MMADHC: variants seen among roughly 807,000 people sequenced by gnomAD.
MMADHC encodes the protein metabolism of cobalamin associated D, also known as cobalamin trafficking protein CblD.
A neutral mutation model predicts 36.3 loss-of-function variants in MMADHC; 23 were observed. That is an observed-to-expected ratio of 0.63 (90% CI 0.46 to 0.90). The LOEUF (loss-of-function observed/expected upper bound fraction) is 0.90, where lower values mean the gene tolerates loss of function less well. Among genes scored for constraint, MMADHC ranks in the 40% least tolerant of loss-of-function variants. The pLI is 0.00. For missense variants in MMADHC, 330 were observed against 348.0 expected (o/e 0.95, Z 0.41); for synonymous variants, 97 against 116.1 (o/e 0.84, Z 1.06).
Position 149,569,828 on chromosome 2 carries a change from C to T in MMADHC, c.*146G>A. 1.3e-6 allele frequency: 1 copy of T among 746,878 alleles called. No homozygotes were observed. Among genetic ancestry groups the T allele is most frequent in the Non-Finnish European group, 2.2e-6 (1 of 461,022 alleles). 46.3% of individuals were successfully genotyped at this position (746,878 alleles called of 1,614,324 possible). ...ATGAACATTTGCAATTTTAAAATCC[C>T]AAATCACTTGCCAATGTTGTAAATT... On this transcript the variant is annotated 3_prime_UTR_variant, in exon 8 of 8. Transcript: ENST00000303319.
rs138607412 is a variant in MMADHC at position 149,571,164 on chromosome 2, T to A, written c.617A>T (p.Asn206Ile). 2.5e-6 allele frequency: 4 copies of A among 1,604,806 alleles called. No homozygotes were observed. The African/African-American group carries it at 5.3e-5, about 21-fold the overall frequency. The change falls in exon 7 of 8, where the codon AAT becomes ATT. Residue 206 changes from asparagine (N) to isoleucine (I), a missense_variant. Asn to Ile is a moderately radical substitution (Grantham distance 149, BLOSUM62 -3). Coordinates refer to ENST00000303319, the MANE Select transcript of MMADHC (RefSeq NM_015702.3). ...AGCATAGCAAATTTCCTTAGCACCATTGATGAACTGCAATGGAAGTCACAA... is the reference window on the plus strand; with the variant it reads ...AGCATAGCAAATTTCCTTAGCACCAATGATGAACTGCAATGGAAGTCACAA... ...EREVLLEKFI[N>I]GAKEICYALR...
intron 2 of MMADHC, among the ~76,000 whole-genome samples, chr2:149,584,909 G>T (rs999118307): frequency 4.6e-5 from 7 of 151,972 alleles, no homozygotes; most frequent in African/African-American, 1.7e-4. Flanking sequence ...CGGGCATCGT[G>T]GCAAGTGCCT....
intron 3 of MMADHC, 83 bp downstream of exon 3, chr2:149,582,044 C>T (rs369457264): frequency 2.0e-6 from 3 of 1,476,280 alleles, no homozygotes; most frequent in Non-Finnish European, 1.9e-6. Context: ...ATCCATTAAG[C>T]CTTAAGAAGA....
In MMADHC at chr2:149,570,053, C is replaced by A. The variant is rs528082092; in HGVS notation, c.812G>T (p.Gly271Val). 6.2e-7 allele frequency: 1 copy of A among 1,613,650 alleles called. No homozygotes were observed. Among genetic ancestry groups the A allele is most frequent in the Non-Finnish European group, 8.5e-7 (1 of 1,179,682 alleles). Residue 271 changes from glycine to valine, a missense_variant, in exon 8 of 8, where the codon GGT becomes GTT. Physicochemically the swap from Gly to Val is moderately radical, Grantham distance 109 (BLOSUM62 -3). Coordinates refer to ENST00000303319, the MANE Select transcript of MMADHC (RefSeq NM_015702.3). The part of the protein sequence containing the change: ...CCKVIRHSLW[G>V]THVVVGSIFT... ...GATACTCCCTACAACTACATGGGTA[C>A]CCCAGAGACTATGACGAATCACTTT...
At chr2:149,573,579 G>A (rs986399130) in intron 6 of MMADHC, among the ~76,000 whole-genome samples, 5 of 152,014 alleles carry the variant, frequency 3.3e-5, no homozygotes, top group Admixed American at 6.5e-5. Flanking sequence ...TATAGAAAAA[G>A]TTATTTGATC....
At chr2:149,572,308 C>T (rs780292676) in intron 6 of MMADHC, 13 of 268,822 alleles carry the variant, frequency 4.8e-5, no homozygotes, top group South Asian at 2.8e-4. Flanking sequence ...CACAGCACTC[C>T]GGCCTGGGCG....
In MMADHC at chr2:149,582,186, G is replaced by A. The variant is rs1434979492; in HGVS notation, c.95C>T (p.Ser32Leu). The change falls in exon 3 of 8, where the codon TCG becomes TTG. Residue 32 changes from serine (S) to leucine (L), a missense_variant. Physicochemically the swap from Ser to Leu is moderately radical, Grantham distance 145. Coordinates refer to ENST00000303319, the MANE Select transcript of MMADHC (RefSeq NM_015702.3). Reference sequence around the variant, plus strand: ...ATCCGAACCTGATGATCCTGCAGTCGAAAAGGCTTTGGGATTGACAACCCT... The same window carrying A: ...ATCCGAACCTGATGATCCTGCAGTCAAAAAGGCTTTGGGATTGACAACCCT... Reference protein sequence around the residue: ...VKRVVNPKAFSTAGSSGSDES... With the variant: ...VKRVVNPKAFLTAGSSGSDES... The A allele has an allele frequency of 4.3e-6, 7 of 1,613,964 alleles. No individual in the cohort carries two copies. Among genetic ancestry groups the A allele is most frequent in the South Asian group, 1.1e-5 (1 of 91,074 alleles).
intron 2 of MMADHC, among the ~76,000 whole-genome samples, chr2:149,585,812 C>T (rs1458398015): frequency 2.6e-5 from 4 of 152,162 alleles, no homozygotes; most frequent in Non-Finnish European, 5.9e-5. Context: ...AAATTGTTAT[C>T]GTACATTTGG....
At position 149,575,834 on chromosome 2, in the gene MMADHC, T is replaced by C. The variant is rs763685118; in HGVS notation, c.486A>G (p.Glu162=). The C allele has an allele frequency of 2.5e-6, 4 of 1,599,484 alleles. No homozygotes were observed. The African/African-American group carries it at 4.0e-5, about 16-fold the overall frequency. The change falls in exon 6 of 8, where the codon GAA becomes GAG. Residue 162 remains glutamate (E), a synonymous_variant. Coordinates refer to ENST00000303319, the MANE Select transcript of MMADHC (RefSeq NM_015702.3). ...TCPELLRKDF[E]SLFPEVANGK... is the part of the protein sequence containing the mutation. ...CATTAGCTACTTCTGGAAACAGTGA[T>C]TCAAAATCTACAAATAAGAATAAAC...
chr2:149,587,066 T>G (rs377301529), intron 2 of MMADHC, 23 bp downstream of exon 2: 1 of 1,612,362 alleles, frequency 6.2e-7, no homozygotes, highest in Non-Finnish European at 8.5e-7. Context: ...ACTATGCTGA[T>G]TCTTAAGAGA....
In MMADHC at chr2:149,582,228, A is replaced by C. The variant is rs1682805481; in HGVS notation, c.53T>G (p.Phe18Cys). The C allele has an allele frequency of 3.7e-6, 6 of 1,613,908 alleles. No individual in the cohort carries two copies. The highest frequency in any genetic ancestry group is 3.4e-6 in the Non-Finnish European group (4 of 1,179,848). The change falls in exon 3 of 8, where the codon TTT (phenylalanine) becomes TGT (cysteine). Residue 18 changes from phenylalanine to cysteine, a missense_variant. Physicochemically the swap from Phe to Cys is radical, Grantham distance 205. Transcript: ENST00000303319. Reference sequence around the variant, plus strand: ...GACAACCCTTTTAACTAAAGAGCAAAATCCTGGGAGATAGGAAACCAGTCT... The same window carrying C: ...GACAACCCTTTTAACTAAAGAGCAACATCCTGGGAGATAGGAAACCAGTCT... ...RARLVSYLPG[F>C]CSLVKRVVNP...
At chr2:149,570,678 C>T (rs10469768) in intron 7 of MMADHC, among the ~76,000 whole-genome samples, 98,522 of 152,026 alleles carry the variant, frequency 0.65, 35,624 homozygotes, top group East Asian at 0.86. Flanking sequence ...TGTTAATTTC[C>T]AAAAATTTAC....
rs146481160 is a variant in MMADHC at position 149,587,115 on chromosome 2, G to A, written c.-18C>T. ...TTGGCCATCTCCGCTGGAGAAGATA[G>A]TTCGCAAAATAGCTTTCCTTTGGTA... On this transcript the variant is annotated 5_prime_UTR_variant, in exon 2 of 8. Coordinates refer to ENST00000303319, the MANE Select transcript of MMADHC (RefSeq NM_015702.3). The A allele has an allele frequency of 1.2e-6, 2 of 1,613,306 alleles. No individual in the cohort carries two copies. The highest frequency in any genetic ancestry group is 8.5e-7 in the Non-Finnish European group (1 of 1,179,320).
Position 149,586,939 on chromosome 2 carries a change from T to G in MMADHC, c.9+150A>C, listed in dbSNP as rs1417398697. 7.7e-5 allele frequency: 59 copies of G among 771,126 alleles called. 1 individual carries two copies. The highest frequency in any genetic ancestry group is 4.7e-5 in the Non-Finnish European group (21 of 443,704). 47.8% of individuals were successfully genotyped at this position (771,126 alleles called of 1,614,324 possible). A position where few individuals can be genotyped will look rare whatever the true frequency, so the allele number is the denominator to read the frequency against. ...ATGCTACCATCTTCAAAGCATAACA[T>G]AATTTCACACCACTTGCTTCCCTTG... On this transcript the variant is annotated intron_variant, in intron 2 of 7. Coordinates refer to ENST00000303319, the MANE Select transcript of MMADHC (RefSeq NM_015702.3).
intron 3 of MMADHC, among the ~76,000 whole-genome samples, chr2:149,581,549 A>T (rs764479654): frequency 3.3e-5 from 5 of 152,168 alleles, no homozygotes; most frequent in Non-Finnish European, 7.4e-5. Context: ...CATTTCTCAA[A>T]CTTACCTACC....
intron 2 of MMADHC, among the ~76,000 whole-genome samples, chr2:149,582,564 T>A (rs1682810896): frequency 6.6e-6 from 1 of 152,198 alleles, no homozygotes; most frequent in African/African-American, 2.4e-5. Flanking sequence ...AAAGTTGTCT[T>A]ATTTAGACAC....
At position 149,569,820 on chromosome 2, in the gene MMADHC, T is replaced by C. The variant is rs1408918634; in HGVS notation, c.*154A>G. On this transcript the variant is annotated 3_prime_UTR_variant, in exon 8 of 8. Coordinates refer to ENST00000303319, the MANE Select transcript of MMADHC (RefSeq NM_015702.3). Reference sequence around the variant, plus strand: ...ATGAATAAATGAACATTTGCAATTTTAAAATCCCAAATCACTTGCCAATGT... The same window carrying C: ...ATGAATAAATGAACATTTGCAATTTCAAAATCCCAAATCACTTGCCAATGT... The C allele has an allele frequency of 4.3e-6, 3 of 705,722 alleles. No homozygotes were observed. Among genetic ancestry groups the C allele is most frequent in the Admixed American group, 2.7e-5 (1 of 36,994 alleles). The allele number at this position is 705,722 out of a possible 1,614,324, so 43.7% of individuals were successfully genotyped here. A position where few individuals can be genotyped will look rare whatever the true frequency, so the allele number is the denominator to read the frequency against.
intron 6 of MMADHC, 104 bp from the exon 7 acceptor site, chr2:149,571,275 A>C: frequency 1.6e-5 from 11 of 667,668 alleles, no homozygotes; most frequent in East Asian, 3.0e-5. Context: ...AAAAGAACTC[A>C]AGATTAATAA....
intron 2 of MMADHC, among the ~76,000 whole-genome samples, chr2:149,585,573 A>G (rs560650449): frequency 1.7e-4 from 26 of 152,244 alleles, no homozygotes; most frequent in Non-Finnish European, 3.7e-4. Context: ...ATCTGGCAGT[A>G]TTGGATTCAC....
Sources: gnomAD v4.1 joint callset for allele counts (sites outside exome capture counted in the v4.1 genomes callset) on GRCh38, gnomAD v4.1.1 for gene constraint, MANE v1.5 for transcripts, NCBI Gene and HGNC (gene_info 2026-07-23, HGNC 2026-07-21) for gene names.